Variants in NLGN3 observed in about 807,000 individuals in gnomAD.
NLGN3 encodes the protein neuroligin-3.
Under a neutral mutation model 42.9 loss-of-function variants are expected in NLGN3, and 11 were observed. The ratio of observed to expected loss-of-function variants is 0.26; its 90% CI spans 0.16 to 0.42. The LOEUF is 0.42. Ranked by LOEUF, NLGN3 falls within the 10% of genes least tolerant of loss-of-function variation. The pLI, the probability that NLGN3 is intolerant of heterozygous loss-of-function variation, is 1.00. For missense variants in NLGN3, 374 were observed against 733.8 expected, an observed-to-expected ratio of 0.51 and a Z score of 5.67; for synonymous variants, 279 against 312.7, an observed-to-expected ratio of 0.89 and a Z score of 1.14.
chrX:71,169,948 C>A lies in NLGN3; in HGVS notation c.2398C>A (p.Pro800Thr). The stretch of plus-strand genomic sequence containing the variant: ...CTACACCCTGACCCTGCGGCGCTCC[C>A]CGGATGACATCCCACTCATGACCCC... ...PDYTLTLRRS[P>T]DDIPLMTPNT... The change falls in exon 8 of 8, where the codon CCG (proline) becomes ACG (threonine). Residue 800 changes from proline to threonine, a missense_variant. Around this residue, in one of 6 missense-constraint regions of NLGN3, gnomAD observed 92 missense variants for 108.0 expected, o/e 0.85. Coordinates refer to ENST00000358741, the MANE Select transcript of NLGN3 (RefSeq NM_181303.2). 8.3e-7 allele frequency: 1 copy of A among 1,206,440 alleles called. No homozygotes were observed. Among genetic ancestry groups the A allele is most frequent in the East Asian group, 3.0e-5 (1 of 33,479 alleles).
At chrX:71,145,243 C>A (rs1476018646) in intron 1 of NLGN3, among the ~76,000 whole-genome samples, 1 of 107,401 alleles carries the variant, frequency 9.3e-6, no homozygotes, top group Non-Finnish European at 1.9e-5. Context: ...TATTGAGGGC[C>A]CCCAGCCCCA....
chrX:71,162,719 G>C (rs1014077823), intron 5 of NLGN3, among the ~76,000 whole-genome samples: 9 of 112,056 alleles, frequency 8.0e-5, no homozygotes, highest in Non-Finnish European at 1.7e-4. Flanking sequence ...AGAAGGACTT[G>C]AGAAAGACAG....
intron 5 of NLGN3, 37 bp downstream of exon 5, chrX:71,155,400 G>C: frequency 1.7e-6 from 2 of 1,198,311 alleles, no homozygotes. Context: ...AGGAAGACTG[G>C]CTTCGCAAGG....
chrX:71,151,554 C>T (rs753131454), intron 3 of NLGN3, among the ~76,000 whole-genome samples: 7 of 111,835 alleles, frequency 6.3e-5, no homozygotes, highest in East Asian at 2.8e-4. Flanking sequence ...GATCCCTCAG[C>T]GGCGCAGGGT....
intron 4 of NLGN3, 103 bp downstream of exon 4, chrX:71,153,639 T>G: frequency 1.3e-6 from 1 of 798,065 alleles, no homozygotes; most frequent in Non-Finnish European, 1.9e-6. Context: ...TCCGTTGGTG[T>G]GTTTCTGTTC....
chrX:71,167,892 C>T (rs745785782), intron 7 of NLGN3, 92 bp downstream of exon 7: 2 of 822,830 alleles, frequency 2.4e-6, no homozygotes, highest in African/African-American at 4.0e-5. Context: ...CATATCCCTT[C>T]CTAAGATATT....
At position 71,170,583 on chromosome X, in the gene NLGN3, T is replaced by A. The variant is rs1036381382; in HGVS notation, c.*486T>A. The stretch of plus-strand genomic sequence containing the variant: ...TCTTGTTTTGTTGATTTTTCTTTTT[T>A]AATTTTGGAACAAATGCTTTTCCAA... On this transcript the variant is annotated 3_prime_UTR_variant, in exon 8 of 8. Coordinates refer to ENST00000358741, the MANE Select transcript of NLGN3 (RefSeq NM_181303.2). The A allele has an allele frequency of 1.3e-6, 1 of 789,450 alleles. No homozygotes were observed. The highest frequency in any genetic ancestry group is 1.5e-6 in the Non-Finnish European group (1 of 661,010). The allele number at this position is 789,450 out of a possible 1,213,427, so 65.1% of individuals were successfully genotyped here. A position where few individuals can be genotyped will look rare whatever the true frequency, so the allele number is the denominator to read the frequency against.
Position 71,147,869 on chromosome X carries a change from A to C in NLGN3, c.120A>C (p.Pro40=). ...CGCTGAGGGCCAGTACCCAGGCCCC[A>C]GCACCCACAGTCAACACTCACTTTG... The part of the protein sequence containing the change: ...SLALRASTQA[P]APTVNTHFGK... Residue 40 remains proline (P), a synonymous_variant, in exon 2 of 8, where the codon CCA becomes CCC. Coordinates refer to ENST00000358741, the MANE Select transcript of NLGN3 (RefSeq NM_181303.2). 2.5e-6 allele frequency: 3 copies of C among 1,207,656 alleles called. No individual in the cohort carries two copies. In the East Asian group the frequency reaches 8.9e-5, roughly 36 times the overall value.
Position 71,167,666 on chromosome X carries a change from T to C in NLGN3, c.1569T>C (p.His523=). 1.7e-6 allele frequency: 2 copies of C among 1,211,353 alleles called. No individual in the cohort carries two copies. The highest frequency in any genetic ancestry group is 2.2e-6 in the Non-Finnish European group (2 of 895,393). ...AGCCTGCTTGGTCAGATGCAGCTCA[T>C]GGGGATGAAGTACCCTATGTTTTTG... ...LMKPAWSDAA[H]GDEVPYVFGV... The change falls in exon 7 of 8, where the codon CAT becomes CAC. Residue 523 remains histidine (H), a synonymous_variant. Transcript: ENST00000358741.
At chrX:71,154,538 C>T (rs902190270) in intron 4 of NLGN3, among the ~76,000 whole-genome samples, 3 of 112,486 alleles carry the variant, frequency 2.7e-5, no homozygotes, top group Non-Finnish European at 5.6e-5. Context: ...GGAGCAGGCT[C>T]TGTCATTCTT....
intron 5 of NLGN3, among the ~76,000 whole-genome samples, chrX:71,159,336 G>GGAAAAA (rs1272759926): frequency 9.1e-6 from 1 of 109,627 alleles, no homozygotes; most frequent in Admixed American, 9.7e-5. Flanking sequence ...AAAAAGAAAA[G>GGAAAAA]GAAAAAGAAA....
chrX:71,169,844 C>T lies in NLGN3; in HGVS notation c.2294C>T (p.Ala765Val). The change falls in exon 8 of 8, where the codon GCA becomes GTA. Residue 765 changes from alanine (A) to valine (V), a missense_variant. By Grantham distance (64) the Ala-to-Val change is moderately conservative (BLOSUM62 0). Transcript: ENST00000358741. ...LGAAPEEELA[A>V]LQLGPTHHEC... Reference sequence around the variant, plus strand: ...GCTGCTCCAGAGGAGGAGCTGGCAGCATTACAACTGGGCCCCACCCACCAC... The same window carrying T: ...GCTGCTCCAGAGGAGGAGCTGGCAGTATTACAACTGGGCCCCACCCACCAC... 8.3e-7 allele frequency: 1 copy of T among 1,202,194 alleles called. No homozygotes were observed. Among genetic ancestry groups the T allele is most frequent in the Non-Finnish European group, 1.1e-6 (1 of 890,618 alleles).
intron 6 of NLGN3, among the ~76,000 whole-genome samples, chrX:71,165,742 C>G (rs1170490958): frequency 9.0e-6 from 1 of 110,858 alleles, no homozygotes; most frequent in Non-Finnish European, 1.9e-5. Context: ...CCATGTTGCC[C>G]AGGCTGGTCT....
intron 5 of NLGN3, among the ~76,000 whole-genome samples, chrX:71,162,849 G>A (rs575421853): frequency 8.9e-6 from 1 of 111,989 alleles, no homozygotes. Flanking sequence ...CTCTCACAAA[G>A]TTGATTCCAG....
chrX:71,164,441 G>T, intron 6 of NLGN3, 113 bp downstream of exon 6: 1 of 760,722 alleles, frequency 1.3e-6, no homozygotes. Flanking sequence ...CTACCAGCTT[G>T]GTATCCCTTT....
At position 71,170,356 on chromosome X, in the gene NLGN3, G is replaced by T; in HGVS notation, c.*259G>T. The T allele has an allele frequency of 9.8e-7, 1 of 1,018,658 alleles. No individual in the cohort carries two copies. The allele number at this position is 1,018,658 out of a possible 1,213,427, so 83.9% of individuals were successfully genotyped here. On this transcript the variant is annotated 3_prime_UTR_variant, in exon 8 of 8. Coordinates refer to ENST00000358741, the MANE Select transcript of NLGN3 (RefSeq NM_181303.2). ...GACGCAGATGAGTCCTCGGTAAACCGAGGACCCATGAAACAGCAGCTGAAG... is the reference window on the plus strand; with the variant it reads ...GACGCAGATGAGTCCTCGGTAAACCTAGGACCCATGAAACAGCAGCTGAAG...
chrX:71,152,064 G>A (rs958808751), intron 3 of NLGN3, among the ~76,000 whole-genome samples: 3 of 111,654 alleles, frequency 2.7e-5, no homozygotes, highest in African/African-American at 9.8e-5. Flanking sequence ...ATGAATGGCT[G>A]TAAGGAAATC....
downstream of NLGN3, among the ~76,000 whole-genome samples, chrX:71,173,567 C>G (rs2092474386): frequency 1.8e-5 from 2 of 112,469 alleles, no homozygotes; most frequent in Admixed American, 9.4e-5. Flanking sequence ...CAGTCCACAT[C>G]CCTAGATTTA....
intron 5 of NLGN3, among the ~76,000 whole-genome samples, chrX:71,158,854 T>C (rs984507244): frequency 6.3e-5 from 7 of 111,752 alleles, no homozygotes; most frequent in Non-Finnish European, 5.6e-5. Context: ...GATATCCTGA[T>C]TTGCTGATTA....
Sources: gnomAD v4.1 joint callset for allele counts (sites outside exome capture counted in the v4.1 genomes callset) on GRCh38, gnomAD v4.1.1 for gene constraint, gnomAD v4.1.1 regional missense constraint, MANE v1.5 for transcripts, NCBI Gene and HGNC (gene_info 2026-07-23, HGNC 2026-07-21) for gene names.